The following ENOX1 variants were observed in gnomAD, a reference collection of about 807,000 sequenced individuals.
The protein encoded by ENOX1 is ecto-NOX disulfide-thiol exchanger 1.
ENOX1 carries 42 observed loss-of-function variants against 82.5 expected under a neutral mutation model. The ratio of observed to expected loss-of-function variants is 0.51; its 90% CI spans 0.40 to 0.66. The LOEUF is 0.66. Among genes scored for constraint, ENOX1 ranks in the 30% least tolerant of loss-of-function variants. ENOX1 has a pLI of 0.00. For missense variants in ENOX1, 608 were observed against 811.6 expected (o/e 0.75, Z 3.05); for synonymous variants, 271 against 282.2 (o/e 0.96, Z 0.40).
At chr13:43,381,110 C>G (rs187233555) in intron 5 of ENOX1, among the ~76,000 whole-genome samples, 1 of 151,772 alleles carries the variant, frequency 6.6e-6, no homozygotes, top group East Asian at 1.9e-4. Context: ...ACACATTCTT[C>G]TCAAGATTAC....
At chr13:43,715,422 T>C (rs2088047639) in intron 1 of ENOX1, among the ~76,000 whole-genome samples, 1 of 152,098 alleles carries the variant, frequency 6.6e-6, no homozygotes, top group South Asian at 2.1e-4. Context: ...TCTTGGAGTA[T>C]CTTTGTGGCT....
chr13:43,470,188 G>A (rs1269236709), intron 3 of ENOX1, among the ~76,000 whole-genome samples: 2 of 144,428 alleles, frequency 1.4e-5, no homozygotes, highest in African/African-American at 5.2e-5. Context: ...CTATATGTGT[G>A]TGTGTATATA....
At chr13:43,221,239 G>A (rs1566267363) in intron 16 of ENOX1, among the ~76,000 whole-genome samples, 1 of 152,188 alleles carries the variant, frequency 6.6e-6, no homozygotes, top group Non-Finnish European at 1.5e-5. Flanking sequence ...GGAAAACTGA[G>A]CCTTCATCTC....
chr13:43,458,057 G>T (rs1368086558), intron 3 of ENOX1, among the ~76,000 whole-genome samples: 1 of 151,982 alleles, frequency 6.6e-6, no homozygotes, highest in African/African-American at 2.4e-5. Flanking sequence ...AATTTGTCTA[G>T]CTCAAATTAT....
At chr13:43,235,070 C>A (rs941339615) in intron 15 of ENOX1, among the ~76,000 whole-genome samples, 2 of 152,150 alleles carry the variant, frequency 1.3e-5, no homozygotes. Flanking sequence ...AAAAATCACA[C>A]CTTGGTCACA....
rs181061377 is a variant in ENOX1 at position 43,600,023 on chromosome 13, C to T, written c.-219+67456G>A. ...ACCCTGAATAATCAGCAGTAGGACCCAGGCACTACTCACTGTGAGCTTTGG... is the reference window on the plus strand; with the variant it reads ...ACCCTGAATAATCAGCAGTAGGACCTAGGCACTACTCACTGTGAGCTTTGG... On this transcript the variant is annotated intron_variant, in intron 2 of 16. Coordinates refer to ENST00000690772, the MANE Select transcript of ENOX1 (RefSeq NM_001347969.2). 6.6e-5 allele frequency among the ~76,000 whole-genome samples: 10 copies of T among 152,142 alleles called. No individual in the cohort carries two copies. In the East Asian group the frequency reaches 1.2e-3, roughly 18 times the overall value.
chr13:43,415,245 T>G (rs1301787979), intron 3 of ENOX1, among the ~76,000 whole-genome samples: 3 of 145,548 alleles, frequency 2.1e-5, no homozygotes, highest in Admixed American at 6.9e-5. Flanking sequence ...TTTTTTTTTT[T>G]TTTTTTTTTT....
chr13:43,346,641 G>C (rs1464475210), intron 8 of ENOX1, among the ~76,000 whole-genome samples: 1 of 152,104 alleles, frequency 6.6e-6, no homozygotes, highest in East Asian at 1.9e-4. Flanking sequence ...TCATTTCATG[G>C]ACCGAAGCAG....
At chr13:43,552,070 G>A (rs80222095) in intron 2 of ENOX1, among the ~76,000 whole-genome samples, 6,605 of 151,964 alleles carry the variant, frequency 0.043, 476 homozygotes, top group African/African-American at 0.15. Flanking sequence ...GGGACCTTTC[G>A]CCCTGTCACT....
At chr13:43,641,072 A>G (rs571879720) in intron 2 of ENOX1, among the ~76,000 whole-genome samples, 2 of 152,290 alleles carry the variant, frequency 1.3e-5, no homozygotes, top group South Asian at 4.1e-4. Context: ...CATTTTTATT[A>G]ACTAAAAATT....
At chr13:43,376,977 C>T (rs2051683120) in intron 5 of ENOX1, among the ~76,000 whole-genome samples, 1 of 152,222 alleles carries the variant, frequency 6.6e-6, no homozygotes, top group Non-Finnish European at 1.5e-5. Flanking sequence ...CTTGGACAGA[C>T]TTTATACCAG....
At chr13:43,601,836 A>G (rs907218533) in intron 2 of ENOX1, among the ~76,000 whole-genome samples, 6 of 152,282 alleles carry the variant, frequency 3.9e-5, no homozygotes, top group Admixed American at 1.3e-4. Context: ...TGGAGCTCCA[A>G]TACGTCTGCT....
chr13:43,632,548 C>T (rs9533561), intron 2 of ENOX1, among the ~76,000 whole-genome samples: 26 of 151,602 alleles, frequency 1.7e-4, no homozygotes, highest in Admixed American at 9.2e-4. Flanking sequence ...CGTGTTCAAG[C>T]GATTCTCCTG....
At chr13:43,432,484 GA>G (rs558572714) in intron 3 of ENOX1, among the ~76,000 whole-genome samples, 3 of 150,110 alleles carry the variant, frequency 2.0e-5, no homozygotes, top group Non-Finnish European at 4.4e-5. Context: ...ACTAAAAATA[GA>G]AAAAAAAATG....
At chr13:43,250,428 C>T (rs189868440) in intron 14 of ENOX1, among the ~76,000 whole-genome samples, 6 of 152,178 alleles carry the variant, frequency 3.9e-5, no homozygotes, top group Admixed American at 6.5e-5. Context: ...TCCCAACAGG[C>T]GGCATTGTGC....
intron 7 of ENOX1, among the ~76,000 whole-genome samples, chr13:43,358,814 T>C (rs573048721): frequency 6.6e-6 from 1 of 152,340 alleles, no homozygotes; most frequent in Non-Finnish European, 1.5e-5. Context: ...GGATTGTGTG[T>C]TATGAAATGT....
intron 2 of ENOX1, among the ~76,000 whole-genome samples, chr13:43,637,253 G>GA (rs1361530494): frequency 6.6e-6 from 1 of 152,170 alleles, no homozygotes; most frequent in East Asian, 1.9e-4. Context: ...GATTTAGTCA[G>GA]AATCAACTTA....
intron 14 of ENOX1, among the ~76,000 whole-genome samples, chr13:43,243,009 G>T (rs1210365219): frequency 6.6e-6 from 1 of 152,154 alleles, no homozygotes; most frequent in South Asian, 2.1e-4. Context: ...GGTAGTGCAT[G>T]TCTGTAGTCC....
At chr13:43,447,894 T>G (rs2056745978) in intron 3 of ENOX1, among the ~76,000 whole-genome samples, 1 of 152,226 alleles carries the variant, frequency 6.6e-6, no homozygotes, top group Non-Finnish European at 1.5e-5. Flanking sequence ...GCATCCATCT[T>G]TAAAATGTTC....
Sources: gnomAD v4.1 joint callset for allele counts (sites outside exome capture counted in the v4.1 genomes callset) on GRCh38, gnomAD v4.1.1 for gene constraint, MANE v1.5 for transcripts, NCBI Gene and HGNC (gene_info 2026-07-23, HGNC 2026-07-21) for gene names.